The following RAD1 variants were observed in gnomAD, a reference collection of about 807,000 sequenced individuals.
The protein encoded by RAD1 is cell cycle checkpoint protein RAD1.
Under a neutral mutation model 30.0 loss-of-function variants are expected in RAD1, and 21 were observed. The observed-to-expected ratio is 0.70, with a 90% CI of 0.50 to 1.01. RAD1 has a LOEUF of 1.01. RAD1 is among the 50% of genes least tolerant of loss of function. RAD1 has a pLI of 0.00. For missense variants in RAD1, 329 were observed against 329.0 expected (o/e 1.00, Z 0.00); for synonymous variants, 109 against 113.6 (o/e 0.96, Z 0.26).
At position 34,915,101 on chromosome 5, in the gene RAD1, T is replaced by C. The variant is rs557501948; in HGVS notation, c.-69-140A>G. 2.3e-5 allele frequency: 13 copies of C among 577,448 alleles called. No individual in the cohort carries two copies. In the East Asian group the frequency reaches 2.5e-4, roughly 11 times the overall value. 35.8% of individuals were successfully genotyped at this position (577,448 alleles called of 1,614,324 possible). Reference sequence around the variant, plus strand: ...CCCACCTATGTCACTTAACTATCTTTGTAATTCTGGAGGAAAATTATCTAA... The same window carrying C: ...CCCACCTATGTCACTTAACTATCTTCGTAATTCTGGAGGAAAATTATCTAA... On this transcript the variant is annotated intron_variant, in intron 1 of 5. Coordinates refer to ENST00000382038, the MANE Select transcript of RAD1 (RefSeq NM_002853.4).
At chr5:34,913,762 G>C in intron 2 of RAD1, 184 bp from the exon 3 acceptor site, 2 of 570,528 alleles carry the variant, frequency 3.5e-6, no homozygotes, top group Non-Finnish European at 6.3e-6. Context: ...TCCATTCCTG[G>C]ATCTAAAACT....
rs893147501 is a variant in RAD1 at position 34,905,566 on chromosome 5, C to T, written c.*3199G>A. The T allele has an allele frequency of 6.4e-5, 8 of 124,506 alleles. No individual in the cohort carries two copies. Among genetic ancestry groups the T allele is most frequent in the African/African-American group, 2.1e-4 (7 of 32,698 alleles). The allele number at this position is 124,506 out of a possible 1,614,324, so 7.7% of individuals were successfully genotyped here. A position where few individuals can be genotyped will look rare whatever the true frequency, so the allele number is the denominator to read the frequency against. Reference sequence around the variant, plus strand: ...ATTCTCGGTGGAAGCACTACATCATCGAATGGGAAATCAACAAATGAAAAA... The same window carrying T: ...ATTCTCGGTGGAAGCACTACATCATTGAATGGGAAATCAACAAATGAAAAA... On this transcript the variant is annotated 3_prime_UTR_variant, in exon 6 of 6. Coordinates refer to ENST00000382038, the MANE Select transcript of RAD1 (RefSeq NM_002853.4).
intron 2 of RAD1, 188 bp downstream of exon 2, chr5:34,914,507 A>G (rs1763975070): frequency 1.6e-6 from 1 of 618,994 alleles, no homozygotes; most frequent in Non-Finnish European, 2.7e-6. Flanking sequence ...ACCGGGAGAG[A>G]AAAAAAATTC....
At position 34,913,653 on chromosome 5, in the gene RAD1, T is replaced by G. The variant is rs41271683; in HGVS notation, c.199-75A>C. The G allele has an allele frequency of 3.1e-4, 265 of 859,538 alleles. No homozygotes were observed. In the African/African-American group the frequency reaches 4.1e-3, roughly 13 times the overall value. 53.2% of individuals were successfully genotyped at this position (859,538 alleles called of 1,614,324 possible). Reference sequence around the variant, plus strand: ...ATAATATAAGGTCCTAGATTTCACTTTATACGTTTAAAAAATACAATACTG... The same window carrying G: ...ATAATATAAGGTCCTAGATTTCACTGTATACGTTTAAAAAATACAATACTG... On this transcript the variant is annotated intron_variant, in intron 2 of 5. Coordinates refer to ENST00000382038, the MANE Select transcript of RAD1 (RefSeq NM_002853.4).
intron 2 of RAD1, chr5:34,914,058 CCTCT>C (rs1763952189): frequency 2.2e-6 from 1 of 454,920 alleles, no homozygotes; most frequent in African/African-American, 2.0e-5. Context: ...GTCTTATTTA[CCTCT>C]CTATCCCTGA....
chr5:34,910,879 C>A lies in RAD1; in HGVS notation c.566+675G>T, dbSNP rs41271719. Among the ~76,000 whole-genome samples, 447 of 152,304 alleles carry A rather than the reference C, an allele frequency of 2.9e-3. 3 individuals carry two copies. Among genetic ancestry groups the A allele is most frequent in the African/African-American group, 0.01 (427 of 41,562 alleles). Reference sequence around the variant, plus strand: ...AATTGCTAGAATCTCTGAGTCTAATCCTGAAAAGAGACTTGTGTTAAACTA... The same window carrying A: ...AATTGCTAGAATCTCTGAGTCTAATACTGAAAAGAGACTTGTGTTAAACTA... On this transcript the variant is annotated intron_variant, in intron 4 of 5. Coordinates refer to ENST00000382038, the MANE Select transcript of RAD1 (RefSeq NM_002853.4).
At position 34,906,120 on chromosome 5, in the gene RAD1, A is replaced by C; in HGVS notation, c.*2645T>G. 1 of 151,762 alleles carries C rather than the reference A, an allele frequency of 6.6e-6. No individual in the cohort carries two copies. Among genetic ancestry groups the C allele is most frequent in the Non-Finnish European group, 1.5e-5 (1 of 67,978 alleles). 9.4% of individuals were successfully genotyped at this position (151,762 alleles called of 1,614,324 possible). A position where few individuals can be genotyped will look rare whatever the true frequency, so the allele number is the denominator to read the frequency against. On this transcript the variant is annotated 3_prime_UTR_variant, in exon 6 of 6. Coordinates refer to ENST00000382038, the MANE Select transcript of RAD1 (RefSeq NM_002853.4). Reference sequence around the variant, plus strand: ...CAGACACCCACCACCACACCCAGCTAATTTTTGTATTTTTAGTAGAGGTAG... The same window carrying C: ...CAGACACCCACCACCACACCCAGCTCATTTTTGTATTTTTAGTAGAGGTAG...
chr5:34,915,317 A>G (rs1195128028), intron 1 of RAD1, 99 bp downstream of exon 1: 10 of 258,242 alleles, frequency 3.9e-5, no homozygotes, highest in Non-Finnish European at 6.7e-5. Context: ...CGGAGTGTCC[A>G]GATAATCCTC....
chr5:34,911,752 A>G lies in RAD1; in HGVS notation c.368T>C (p.Leu123Pro). ...QGYGYPLMLFLEEGGVVTVCK... is the reference protein window; with the variant it reads ...QGYGYPLMLFPEEGGVVTVCK... ...GACTGTCACCACTCCTCCTTCTTCCAGGAACAGCATCAAAGGGTAACCATA... is the reference window on the plus strand; with the variant it reads ...GACTGTCACCACTCCTCCTTCTTCCGGGAACAGCATCAAAGGGTAACCATA... Residue 123 changes from leucine (L) to proline (P), a missense_variant, in exon 4 of 6, where the codon CTG (leucine) becomes CCG (proline). Physicochemically the swap from Leu to Pro is moderately conservative, Grantham distance 98. Coordinates refer to ENST00000382038, the MANE Select transcript of RAD1 (RefSeq NM_002853.4). 2 of 1,614,178 alleles carry G rather than the reference A, an allele frequency of 1.2e-6. No homozygotes were observed. The highest frequency in any genetic ancestry group is 8.5e-7 in the Non-Finnish European group (1 of 1,180,014).
intron 3 of RAD1, 32 bp downstream of exon 3, chr5:34,913,438 A>G: frequency 7.6e-7 from 1 of 1,314,768 alleles, no homozygotes; most frequent in Non-Finnish European, 1.1e-6. Flanking sequence ...TATGTATAAC[A>G]CTTTTATGTC....
rs1763711105 is a variant in RAD1 at position 34,908,176 on chromosome 5, T to TG, written c.*588_*589insC. On this transcript the variant is annotated 3_prime_UTR_variant, in exon 6 of 6. Transcript: ENST00000382038. ...TCAAACTTTAAGCCTTTAGACTTTT[T>TG]TTTTTTTTTTTTTTGAGGCAGAGTT... The TG allele has an allele frequency of 6.6e-6, 1 of 150,988 alleles. No homozygotes were observed. The highest frequency in any genetic ancestry group is 6.6e-5 in the Admixed American group (1 of 15,186). 9.4% of individuals were successfully genotyped at this position (150,988 alleles called of 1,614,324 possible). A position where few individuals can be genotyped will look rare whatever the true frequency, so the allele number is the denominator to read the frequency against.
At position 34,915,456 on chromosome 5, in the gene RAD1, A is replaced by C. The variant is rs905579016; in HGVS notation, c.-110T>G. ...TGGACGCCCGAGAGCCCTTCTCAGC[A>C]AAGTCCCTGAAGAGGAGCGAGGCGG... On this transcript the variant is annotated 5_prime_UTR_variant, in exon 1 of 6. Transcript: ENST00000382038. 8.5e-6 allele frequency: 3 copies of C among 353,704 alleles called. No homozygotes were observed. The highest frequency in any genetic ancestry group is 1.6e-5 in the Non-Finnish European group (3 of 193,246). 21.9% of individuals were successfully genotyped at this position (353,704 alleles called of 1,614,324 possible).
chr5:34,909,351 G>A lies in RAD1; in HGVS notation c.572C>T (p.Ser191Phe), dbSNP rs978308322. The A allele has an allele frequency of 1.5e-5, 24 of 1,589,944 alleles. No homozygotes were observed. Among genetic ancestry groups the A allele is most frequent in the Non-Finnish European group, 2.0e-5 (23 of 1,159,102 alleles). The change falls in exon 5 of 6, where the codon TCT becomes TTT. Residue 191 changes from serine to phenylalanine, a missense_variant. Coordinates refer to ENST00000382038, the MANE Select transcript of RAD1 (RefSeq NM_002853.4). ...GGAACTTCCTGCATTTCCAAAAGTA[G>A]ATAACCTATAGAAAATGATTACCTC... ...MSPDKPYFRL[S>F]TFGNAGSSHL... is the part of the protein sequence containing the mutation.
chr5:34,906,315 G>T lies in RAD1; in HGVS notation c.*2450C>A, dbSNP rs1172881284. The T allele has an allele frequency of 1.3e-5, 2 of 151,794 alleles. No homozygotes were observed. Among genetic ancestry groups the T allele is most frequent in the Non-Finnish European group, 1.5e-5 (1 of 67,946 alleles). 9.4% of individuals were successfully genotyped at this position (151,794 alleles called of 1,614,324 possible). A position where few individuals can be genotyped will look rare whatever the true frequency, so the allele number is the denominator to read the frequency against. ...ATCCTTACTGAGCTGATTTATATTT[G>T]TTTTAAATTCTTTTTAGATTCAACT... is the stretch of plus-strand genomic sequence containing the variant. On this transcript the variant is annotated 3_prime_UTR_variant, in exon 6 of 6. Transcript: ENST00000382038.
At chr5:34,909,119 T>TA in intron 5 of RAD1, 139 bp downstream of exon 5, 1 of 870,130 alleles carries the variant, frequency 1.1e-6, no homozygotes. Context: ...CATCCCCTAG[T>TA]AAGTCCAGCA....
At chr5:34,911,959 C>A in intron 3 of RAD1, 147 bp from the exon 4 acceptor site, 1 of 951,672 alleles carries the variant, frequency 1.1e-6, no homozygotes, top group Non-Finnish European at 1.6e-6. Context: ...GGGATGACAT[C>A]TTCCCTGATG....
In RAD1 at chr5:34,908,848, T is replaced by G; in HGVS notation, c.766A>C (p.Met256Leu). 6.2e-7 allele frequency: 1 copy of G among 1,612,812 alleles called. No homozygotes were observed. Among genetic ancestry groups the G allele is most frequent in the Non-Finnish European group, 8.5e-7 (1 of 1,179,036 alleles). ...ATTTGTCCATCTTCATTTCTAATCATATACTGTAATGAAAGGAAGCCTCTG... is the reference window on the plus strand; with the variant it reads ...ATTTGTCCATCTTCATTTCTAATCAGATACTGTAATGAAAGGAAGCCTCTG... ...DNRGFLSLQYMIRNEDGQICF... is the reference protein window; with the variant it reads ...DNRGFLSLQYLIRNEDGQICF... The change falls in exon 6 of 6, where the codon ATG (methionine) becomes CTG (leucine). Residue 256 changes from methionine to leucine, a missense_variant. Transcript: ENST00000382038.
Position 34,908,735 on chromosome 5 carries a change from G to A in RAD1, c.*30C>T, listed in dbSNP as rs1763733067. 6.5e-7 allele frequency: 1 copy of A among 1,533,292 alleles called. No homozygotes were observed. The highest frequency in any genetic ancestry group is 2.0e-5 in the Admixed American group (1 of 50,526). 95.0% of individuals were successfully genotyped at this position (1,533,292 alleles called of 1,614,324 possible). On this transcript the variant is annotated 3_prime_UTR_variant, in exon 6 of 6. Coordinates refer to ENST00000382038, the MANE Select transcript of RAD1 (RefSeq NM_002853.4). The stretch of plus-strand genomic sequence containing the variant: ...AATAAGAACTTCATCTATCATAAAT[G>A]TACACATAAATATCAGTGAATTGTC...
Position 34,911,683 on chromosome 5 carries a change from T to C in RAD1, c.437A>G (p.Asp146Gly). ...TQEPEETLDF[D>G]FCSTNVINKI... is the part of the protein sequence containing the mutation. Reference sequence around the variant, plus strand: ...ATTAATAACATTGGTGCTGCAGAAATCAAAGTCCAGGGTCTCCTCAGGTTC... The same window carrying C: ...ATTAATAACATTGGTGCTGCAGAAACCAAAGTCCAGGGTCTCCTCAGGTTC... Residue 146 changes from aspartate to glycine, a missense_variant, in exon 4 of 6, where the codon GAT becomes GGT. Asp to Gly is a moderately conservative substitution (Grantham distance 94, BLOSUM62 -1). Transcript: ENST00000382038. 1 of 1,614,154 alleles carries C rather than the reference T, an allele frequency of 6.2e-7. No homozygotes were observed.
Sources: allele counts gnomAD v4.1 joint callset (sites outside exome capture counted in the v4.1 genomes callset), GRCh38; gene constraint gnomAD v4.1.1; transcripts MANE v1.5; gene names NCBI Gene and HGNC (gene_info 2026-07-23, HGNC 2026-07-21).